PIK3C2G: variants seen among roughly 807,000 people sequenced by gnomAD.
PIK3C2G encodes the protein phosphatidylinositol 3-kinase C2 domain-containing subunit gamma.
Under a neutral mutation model 181.1 loss-of-function variants are expected in PIK3C2G, and 168 were observed. That is an observed-to-expected ratio of 0.93 (90% CI 0.82 to 1.05). The LOEUF (loss-of-function observed/expected upper bound fraction) is 1.05, where lower values mean the gene tolerates loss of function less well. Ranked by LOEUF, PIK3C2G falls within the 50% of genes least tolerant of loss-of-function variation. The probability of loss-of-function intolerance (pLI) is 0.00; values close to 1 mark genes in which losing one functional copy is unlikely to be tolerated. For synonymous variants in PIK3C2G, 573 were observed against 592.2 expected (o/e 0.97, Z 0.47); for missense variants, 1,869 against 1,732.8 (o/e 1.08, Z -1.40).
intron 29 of PIK3C2G, among the ~76,000 whole-genome samples, chr12:18,570,259 A>C (rs1249099042): frequency 6.6e-6 from 1 of 151,158 alleles, no homozygotes; most frequent in Admixed American, 6.6e-5. Context: ...CCCACGCTGG[A>C]GTGCAATGGC....
chr12:18,664,642 C>A, the PIK3C2G span, among the ~76,000 whole-genome samples: 1 of 151,908 alleles, frequency 6.6e-6, no homozygotes, highest in Non-Finnish European at 1.5e-5. Flanking sequence ...TTTGACCCAG[C>A]CATCCCATTA....
the PIK3C2G span, among the ~76,000 whole-genome samples, chr12:18,712,172 T>G: frequency 2.8e-3 from 431 of 152,228 alleles, 2 homozygotes; most frequent in Non-Finnish European, 5.1e-3. Context: ...ACTTAAGAAA[T>G]CAAGTGTGTT....
the PIK3C2G span, chr12:18,688,324 C>G: frequency 8.6e-7 from 1 of 1,166,764 alleles, no homozygotes; most frequent in African/African-American, 1.5e-5. Context: ...GACTCTAAGT[C>G]AGCTCCCACA....
intron 31 of PIK3C2G, among the ~76,000 whole-genome samples, chr12:18,612,694 G>T (rs1331161866): frequency 6.6e-6 from 1 of 151,962 alleles, no homozygotes; most frequent in Non-Finnish European, 1.5e-5. Context: ...TTAGCTAATT[G>T]TTATTTGTCG....
At chr12:18,680,636 T>C in the PIK3C2G span, among the ~76,000 whole-genome samples, 1 of 151,962 alleles carries the variant, frequency 6.6e-6, no homozygotes, top group Non-Finnish European at 1.5e-5. Context: ...CTGTAACACA[T>C]GTAAGTACAA....
chr12:18,592,240 G>A (rs558706631), intron 29 of PIK3C2G, among the ~76,000 whole-genome samples: 1 of 151,800 alleles, frequency 6.6e-6, no homozygotes, highest in Non-Finnish European at 1.5e-5. Flanking sequence ...GGATACATTA[G>A]AGTAATAAGA....
At chr12:18,308,870 G>GCGA (rs1950527896) in intron 5 of PIK3C2G, among the ~76,000 whole-genome samples, 1 of 151,462 alleles carries the variant, frequency 6.6e-6, no homozygotes, top group Non-Finnish European at 1.5e-5. Flanking sequence ...AAAATAATTT[G>GCGA]TGAGGAATGT....
intron 13 of PIK3C2G, among the ~76,000 whole-genome samples, chr12:18,381,415 C>T (rs1942826079): frequency 6.6e-6 from 1 of 152,008 alleles, no homozygotes; most frequent in East Asian, 1.9e-4. Context: ...TGATTTAAGG[C>T]AGTTGTAACT....
chr12:18,721,076 T>C, the PIK3C2G span, among the ~76,000 whole-genome samples: 1 of 152,112 alleles, frequency 6.6e-6, no homozygotes, highest in South Asian at 2.1e-4. Flanking sequence ...GAATCATGCA[T>C]TGTAACAGTA....
chr12:18,477,127 A>G (rs978467728), intron 18 of PIK3C2G, among the ~76,000 whole-genome samples: 7 of 152,046 alleles, frequency 4.6e-5, no homozygotes, highest in African/African-American at 1.7e-4. Flanking sequence ...CCCACTGCTC[A>G]TAAGGACGCC....
At chr12:18,404,181 A>C (rs1592170641) in intron 16 of PIK3C2G, among the ~76,000 whole-genome samples, 1 of 152,190 alleles carries the variant, frequency 6.6e-6, no homozygotes, top group East Asian at 1.9e-4. Flanking sequence ...TCTTTATTGT[A>C]CATTTAATTT....
chr12:18,247,011 T>C (rs909760499), upstream of PIK3C2G, among the ~76,000 whole-genome samples: 2 of 50,440 alleles, frequency 4.0e-5, no homozygotes, highest in Non-Finnish European at 8.8e-5. Flanking sequence ...AGGAAAATCA[T>C]ATGTTATATA....
At chr12:18,397,890 T>C (rs990115336) in intron 15 of PIK3C2G, among the ~76,000 whole-genome samples, 5 of 151,570 alleles carry the variant, frequency 3.3e-5, no homozygotes, top group Admixed American at 6.6e-5. Flanking sequence ...AATAGGAGAG[T>C]GAATAAGTAA....
At chr12:18,654,001 A>G in the PIK3C2G span, among the ~76,000 whole-genome samples, 2 of 152,100 alleles carry the variant, frequency 1.3e-5, no homozygotes, top group Non-Finnish European at 2.9e-5. Flanking sequence ...CTTAAAAAAG[A>G]GCCTCATTTT....
chr12:18,437,005 T>C (rs1481287768), intron 18 of PIK3C2G, among the ~76,000 whole-genome samples: 3 of 152,032 alleles, frequency 2.0e-5, no homozygotes, highest in South Asian at 2.1e-4. Flanking sequence ...ATTTTCTGCA[T>C]TGAGATTCTC....
chr12:18,679,701 A>G, the PIK3C2G span, among the ~76,000 whole-genome samples: 1 of 152,036 alleles, frequency 6.6e-6, no homozygotes, highest in African/African-American at 2.4e-5. Context: ...AGATATTGTG[A>G]TTAATACATT....
chr12:18,354,556 G>T (rs986672657), intron 11 of PIK3C2G, among the ~76,000 whole-genome samples: 1 of 152,216 alleles, frequency 6.6e-6, no homozygotes, highest in African/African-American at 2.4e-5. Flanking sequence ...TGCACATATG[G>T]GGTCTCAGAC....
chr12:18,408,129 G>T (rs551383218), intron 16 of PIK3C2G, among the ~76,000 whole-genome samples: 1 of 152,246 alleles, frequency 6.6e-6, no homozygotes, highest in East Asian at 1.9e-4. Context: ...CTTCCATTAA[G>T]TCTTTGCCCA....
At chr12:18,282,956 A>AAT (rs1555145701) in intron 2 of PIK3C2G, among the ~76,000 whole-genome samples, 197 bp downstream of exon 2, 3 of 151,698 alleles carry the variant, frequency 2.0e-5, no homozygotes, top group Non-Finnish European at 2.9e-5. Flanking sequence ...TTAAAAAAAA[A>AAT]ATCATCTATA....
Sources: gnomAD v4.1 joint callset for allele counts (sites outside exome capture counted in the v4.1 genomes callset) on GRCh38, gnomAD v4.1.1 for gene constraint, MANE v1.5 for transcripts, NCBI Gene and HGNC (gene_info 2026-07-23, HGNC 2026-07-21) for gene names.